OSBPL11: variants seen among roughly 807,000 people sequenced by gnomAD.
OSBPL11 encodes oxysterol-binding protein-related protein 11.
A neutral mutation model predicts 84.4 loss-of-function variants in OSBPL11; 33 were observed. The observed-to-expected ratio is 0.39, with a 90% CI of 0.30 to 0.52. The LOEUF (loss-of-function observed/expected upper bound fraction) is 0.52. OSBPL11 is among the 20% of genes least tolerant of loss of function. The pLI, the probability that OSBPL11 is intolerant of heterozygous loss-of-function variation, is 0.72. For missense variants in OSBPL11, 736 were observed against 901.1 expected (o/e 0.82, Z 2.35); for synonymous variants, 276 against 310.2 (o/e 0.89, Z 1.16).
At chr3:125,566,548 TA>T (rs1936159122) in intron 6 of OSBPL11, among the ~76,000 whole-genome samples, 1 of 152,166 alleles carries the variant, frequency 6.6e-6, no homozygotes, top group African/African-American at 2.4e-5. Context: ...TCTACCTTTC[TA>T]AAATACCTTT....
At chr3:125,560,618 G>A in intron 7 of OSBPL11, 99 bp from the exon 8 acceptor site, 1 of 1,139,008 alleles carries the variant, frequency 8.8e-7, no homozygotes, top group Non-Finnish European at 1.2e-6. Context: ...ATTTGTATTT[G>A]ACCTAAGTGA....
intron 1 of OSBPL11, 52 bp downstream of exon 1, chr3:125,594,585 A>G: frequency 6.3e-7 from 1 of 1,586,702 alleles, no homozygotes; most frequent in Non-Finnish European, 8.6e-7. Flanking sequence ...CCTCCAGGGC[A>G]TATTCACCCC....
At chr3:125,578,479 C>T (rs1936365532) in intron 4 of OSBPL11, among the ~76,000 whole-genome samples, 1 of 152,114 alleles carries the variant, frequency 6.6e-6, no homozygotes, top group South Asian at 2.1e-4. Flanking sequence ...TGCGGTGGCT[C>T]ACACCTGTAA....
rs766225268 is a variant in OSBPL11, at chr3:125,594,757, C to G, written c.44G>C (p.Ser15Thr). The G allele has an allele frequency of 1.3e-5, 21 of 1,614,084 alleles. No homozygotes were observed. In the South Asian group the frequency reaches 2.2e-4, roughly 17 times the overall value. The part of the protein sequence containing the change: ...EPVSTMKVSE[S>T]EGKLEGQATA... ...GGCCTGGCCCTCCAGCTTTCCTTCG[C>G]TCTCCGAGACTTTCATTGTGGACAC... The change falls in exon 1 of 13, where the codon AGC becomes ACC. Residue 15 changes from serine to threonine, a missense_variant. By Grantham distance (58) the Ser-to-Thr change is moderately conservative. Coordinates refer to ENST00000296220, the MANE Select transcript of OSBPL11 (RefSeq NM_022776.5).
chr3:125,550,677 TC>T (rs1479650940), intron 9 of OSBPL11, among the ~76,000 whole-genome samples: 4 of 152,248 alleles, frequency 2.6e-5, no homozygotes, highest in Non-Finnish European at 5.9e-5. Flanking sequence ...GGTATTTTTT[TC>T]CTATCATTAT....
At chr3:125,554,820 A>G (rs1935966002) in intron 8 of OSBPL11, among the ~76,000 whole-genome samples, 1 of 152,192 alleles carries the variant, frequency 6.6e-6, no homozygotes, top group Non-Finnish European at 1.5e-5. Flanking sequence ...AAAGAGAGAA[A>G]AAGAAAAGTA....
intron 5 of OSBPL11, among the ~76,000 whole-genome samples, chr3:125,572,256 AG>A (rs1300584104): frequency 6.6e-6 from 1 of 152,198 alleles, no homozygotes; most frequent in Non-Finnish European, 1.5e-5. Flanking sequence ...CATTATATCT[AG>A]GAAGTAGCTA....
chr3:125,555,258 C>G (rs565249608), intron 8 of OSBPL11, among the ~76,000 whole-genome samples: 1 of 152,364 alleles, frequency 6.6e-6, no homozygotes, highest in African/African-American at 2.4e-5. Context: ...GAAAGCTGCA[C>G]TGCTGGCTTC....
chr3:125,579,083 G>C (rs754775190), intron 3 of OSBPL11, 44 bp from the exon 4 acceptor site: 3 of 1,354,492 alleles, frequency 2.2e-6, no homozygotes, highest in East Asian at 2.5e-5. Flanking sequence ...ATTTATTCTG[G>C]AACACAATTA....
At chr3:125,549,930 C>T (rs1935875025) in intron 9 of OSBPL11, among the ~76,000 whole-genome samples, 4 of 152,232 alleles carry the variant, frequency 2.6e-5, no homozygotes, top group South Asian at 4.1e-4. Flanking sequence ...TATTCCTTAA[C>T]ATTTATGACC....
intron 1 of OSBPL11, among the ~76,000 whole-genome samples, chr3:125,583,582 A>C (rs2922173): frequency 8.0e-5 from 4 of 50,182 alleles, no homozygotes; most frequent in African/African-American, 7.2e-4. Flanking sequence ...CTCCGTCTCC[A>C]AAAAAAAAAA....
At chr3:125,593,597 G>A (rs1936634497) in intron 1 of OSBPL11, among the ~76,000 whole-genome samples, 1 of 150,560 alleles carries the variant, frequency 6.6e-6, no homozygotes, top group East Asian at 1.9e-4. Flanking sequence ...TCCAGCCTGG[G>A]TGACAGAGCC....
intron 10 of OSBPL11, among the ~76,000 whole-genome samples, chr3:125,543,641 C>A (rs1326728176): frequency 6.6e-6 from 1 of 152,144 alleles, no homozygotes; most frequent in African/African-American, 2.4e-5. Flanking sequence ...GCTCAAACAC[C>A]TGTAATCCCA....
At position 125,595,003 on chromosome 3, in the gene OSBPL11, G is replaced by A. The variant is rs151177729; in HGVS notation, c.-203C>T. 49 of 562,354 alleles carry A rather than the reference G, an allele frequency of 8.7e-5. No individual in the cohort carries two copies. In the East Asian group the frequency reaches 1.4e-3, roughly 15 times the overall value. The allele number at this position is 562,354 out of a possible 1,614,324, so 34.8% of individuals were successfully genotyped here. A position where few individuals can be genotyped will look rare whatever the true frequency, so the allele number is the denominator to read the frequency against. On this transcript the variant is annotated 5_prime_UTR_variant, in exon 1 of 13. Coordinates refer to ENST00000296220, the MANE Select transcript of OSBPL11 (RefSeq NM_022776.5). ...TTAAACTTTTGAGAGGGCAGGGGAA[G>A]CAACGAGGACAGATATCCTTCACAT...
intron 8 of OSBPL11, among the ~76,000 whole-genome samples, chr3:125,554,098 G>C (rs887640802): frequency 1.3e-5 from 2 of 152,176 alleles, no homozygotes; most frequent in African/African-American, 4.8e-5. Flanking sequence ...TGTATGGAAA[G>C]CAATTAGATG....
intron 11 of OSBPL11, among the ~76,000 whole-genome samples, 159 bp downstream of exon 11, chr3:125,538,292 C>T (rs1303868321): frequency 2.6e-5 from 4 of 152,190 alleles, no homozygotes. Flanking sequence ...AATCTCACAG[C>T]TGGCAAGGGG....
chr3:125,552,640 G>T lies in OSBPL11; in HGVS notation c.1195C>A (p.Leu399Met). ...GACATAAAGTCTGCATACATTTCCAGCAAGGAACGCTTCTCTAGGATAAAT... is the reference window on the plus strand; with the variant it reads ...GACATAAAGTCTGCATACATTTCCATCAAGGAACGCTTCTCTAGGATAAAT... ...PTFILEKRSL[L>M]EMYADFMSHP... is the part of the protein sequence containing the mutation. The change falls in exon 9 of 13, where the codon CTG (leucine) becomes ATG (methionine). Residue 399 changes from leucine to methionine, a missense_variant. Coordinates refer to ENST00000296220, the MANE Select transcript of OSBPL11 (RefSeq NM_022776.5). 1 of 1,613,700 alleles carries T rather than the reference G, an allele frequency of 6.2e-7. No individual in the cohort carries two copies. The highest frequency in any genetic ancestry group is 8.5e-7 in the Non-Finnish European group (1 of 1,179,816).
At chr3:125,572,552 C>T (rs999568650) in intron 5 of OSBPL11, among the ~76,000 whole-genome samples, 4 of 152,050 alleles carry the variant, frequency 2.6e-5, no homozygotes, top group African/African-American at 7.2e-5. Context: ...AGGTCTTTCC[C>T]ATGCTGTTCT....
intron 2 of OSBPL11, among the ~76,000 whole-genome samples, chr3:125,580,514 C>CAAAAAA (rs56041212): frequency 1.5e-5 from 1 of 64,978 alleles, no homozygotes; most frequent in Non-Finnish European, 2.8e-5. Flanking sequence ...AACTCCGTCT[C>CAAAAAA]AAAAAAAAAA....
Sources: gnomAD v4.1 joint callset for allele counts (sites outside exome capture counted in the v4.1 genomes callset) on GRCh38, gnomAD v4.1.1 for gene constraint, MANE v1.5 for transcripts, NCBI Gene and HGNC (gene_info 2026-07-23, HGNC 2026-07-21) for gene names.